Variants in ZCWPW2 observed in about 807,000 individuals in gnomAD.
ZCWPW2 encodes the protein zinc finger CW-type and PWWP domain containing 2, also known as zinc finger CW-type PWWP domain protein 2.
Under a neutral mutation model 46.6 loss-of-function variants are expected in ZCWPW2, and 45 were observed. The observed-to-expected ratio is 0.96, with a 90% CI of 0.76 to 1.24. The LOEUF is 1.24. ZCWPW2 is among the 50% of genes most tolerant of loss of function. The pLI is 0.00. For synonymous variants in ZCWPW2, 152 were observed against 137.1 expected (o/e 1.11, Z -0.76); for missense variants, 429 against 403.9 (o/e 1.06, Z -0.53).
chr3:28,521,076 C>T lies in ZCWPW2; in HGVS notation c.869C>T (p.Ser290Leu), dbSNP rs770766675. The change falls in exon 9 of 10, where the codon TCA becomes TTA. Residue 290 changes from serine to leucine, a missense_variant. Ser to Leu is a moderately radical substitution (Grantham distance 145). Transcript: ENST00000383768. ...ALQPTATPDESEEGHGEEINM... is the reference protein window; with the variant it reads ...ALQPTATPDELEEGHGEEINM... ...CAACCCACAGCCACACCTGATGAAT[C>T]AGAAGAAGGACATGGAGAGGAAATA... 14 of 1,609,526 alleles carry T rather than the reference C, an allele frequency of 8.7e-6. No individual in the cohort carries two copies. In the East Asian group the frequency reaches 3.1e-4, roughly 36 times the overall value.
chr3:28,387,815 C>G (rs577024488), intron 1 of ZCWPW2, among the ~76,000 whole-genome samples: 4 of 152,182 alleles, frequency 2.6e-5, no homozygotes, highest in South Asian at 4.1e-4. Context: ...AGAATCTAAC[C>G]AAAAACTTAG....
chr3:28,498,398 A>G (rs2125822301), intron 6 of ZCWPW2, among the ~76,000 whole-genome samples: 1 of 152,074 alleles, frequency 6.6e-6, no homozygotes, highest in South Asian at 2.1e-4. Context: ...AACATCTTTT[A>G]GCCTCATTTA....
chr3:28,504,008 T>TA (rs1700215424), intron 6 of ZCWPW2, among the ~76,000 whole-genome samples: 1 of 151,798 alleles, frequency 6.6e-6, no homozygotes, highest in South Asian at 2.1e-4. Context: ...CAAGCCTGGG[T>TA]AACATCGTGA....
intron 4 of ZCWPW2, among the ~76,000 whole-genome samples, chr3:28,476,099 G>A (rs1171907548): frequency 1.3e-5 from 2 of 150,624 alleles, no homozygotes; most frequent in African/African-American, 4.9e-5. Context: ...ATATTTATAT[G>A]TTGTAGAAAT....
At chr3:28,390,039 T>G (rs1233773729) in intron 1 of ZCWPW2, among the ~76,000 whole-genome samples, 1 of 152,208 alleles carries the variant, frequency 6.6e-6, no homozygotes, top group African/African-American at 2.4e-5. Context: ...CTAGGCACCA[T>G]GGCCCAGCCA....
intron 8 of ZCWPW2, among the ~76,000 whole-genome samples, chr3:28,516,424 C>T (rs1043593811): frequency 1.1e-4 from 16 of 152,130 alleles, no homozygotes; most frequent in African/African-American, 3.6e-4. Context: ...AAGCAGAAGA[C>T]TGGGGCTTCC....
intron 5 of ZCWPW2, among the ~76,000 whole-genome samples, chr3:28,491,670 G>A (rs1184674512): frequency 6.6e-6 from 1 of 152,038 alleles, no homozygotes; most frequent in Non-Finnish European, 1.5e-5. Context: ...GCTGTGAAGT[G>A]AGGAGGGACT....
chr3:28,446,658 A>G (rs1698001822), intron 4 of ZCWPW2, among the ~76,000 whole-genome samples: 1 of 152,082 alleles, frequency 6.6e-6, no homozygotes, highest in African/African-American at 2.4e-5. Flanking sequence ...GAAGGAAGGA[A>G]ATATTAAAGA....
rs146060748 is a variant in ZCWPW2, at chr3:28,433,688, G to A, written c.333-1422G>A. ...GGAGAATTGCTTGAACCCAGGAGAC[G>A]GAGGCTGCGGTGAGCCGAGATCACA... On this transcript the variant is annotated intron_variant, in intron 3 of 9. Coordinates refer to ENST00000383768, the MANE Select transcript of ZCWPW2 (RefSeq NM_001040432.4). Among the ~76,000 whole-genome samples the A allele has an allele frequency of 5.2e-4, 78 of 149,824 alleles. No individual in the cohort carries two copies. In the East Asian group the frequency reaches 0.014, roughly 26 times the overall value.
intron 1 of ZCWPW2, among the ~76,000 whole-genome samples, chr3:28,371,842 G>A (rs145817943): frequency 6.6e-6 from 1 of 152,216 alleles, no homozygotes; most frequent in African/African-American, 2.4e-5. Flanking sequence ...GGGAAAAGAG[G>A]CCTTAGAGGA....
intron 1 of ZCWPW2, among the ~76,000 whole-genome samples, chr3:28,364,677 G>C (rs962596947): frequency 6.6e-6 from 1 of 151,372 alleles, no homozygotes; most frequent in Admixed American, 6.6e-5. Context: ...AAGTTTTAGG[G>C]TACATGTGCA....
chr3:28,453,848 TA>T (rs1159394248), intron 4 of ZCWPW2, among the ~76,000 whole-genome samples: 8 of 148,022 alleles, frequency 5.4e-5, no homozygotes, highest in Non-Finnish European at 7.5e-5. Flanking sequence ...TTTTTTTTAT[TA>T]TTATTTTTTT....
chr3:28,381,566 G>A (rs903858840), intron 1 of ZCWPW2, among the ~76,000 whole-genome samples: 4 of 152,056 alleles, frequency 2.6e-5, no homozygotes, highest in South Asian at 2.1e-4. Context: ...GGTCAACTGC[G>A]TATGTGAATG....
intron 3 of ZCWPW2, 43 bp downstream of exon 3, chr3:28,413,443 C>A: frequency 6.7e-7 from 1 of 1,490,328 alleles, no homozygotes; most frequent in Non-Finnish European, 9.1e-7. Context: ...TGTAGTCTTG[C>A]TAGGTTTATG....
chr3:28,412,983 T>C lies in ZCWPW2; in HGVS notation c.-13-73T>C, dbSNP rs909247362. 24 of 1,224,074 alleles carry C rather than the reference T, an allele frequency of 2.0e-5. No individual in the cohort carries two copies. The South Asian group carries it at 2.9e-4, about 15-fold the overall frequency. 75.8% of individuals were successfully genotyped at this position (1,224,074 alleles called of 1,614,324 possible). A position where few individuals can be genotyped will look rare whatever the true frequency, so the allele number is the denominator to read the frequency against. On this transcript the variant is annotated intron_variant, in intron 2 of 9. Coordinates refer to ENST00000383768, the MANE Select transcript of ZCWPW2 (RefSeq NM_001040432.4). Reference sequence around the variant, plus strand: ...AGATATCAAAGAGGAATTTCTCTGATTTTTGGTTTGAATTTTCTCTCCTTA... The same window carrying C: ...AGATATCAAAGAGGAATTTCTCTGACTTTTGGTTTGAATTTTCTCTCCTTA...
intron 3 of ZCWPW2, among the ~76,000 whole-genome samples, chr3:28,428,698 G>T (rs1435255958): frequency 2.6e-5 from 4 of 152,118 alleles, no homozygotes; most frequent in African/African-American, 9.7e-5. Flanking sequence ...GACCTTGTGG[G>T]AGGTAATTAG....
chr3:28,399,373 A>G (rs1695835038), intron 2 of ZCWPW2, among the ~76,000 whole-genome samples: 1 of 152,062 alleles, frequency 6.6e-6, no homozygotes, highest in African/African-American at 2.4e-5. Context: ...GACAAATGGC[A>G]TATACTCTTG....
intron 1 of ZCWPW2, among the ~76,000 whole-genome samples, chr3:28,383,880 A>G (rs910410204): frequency 2.0e-5 from 3 of 152,138 alleles, no homozygotes; most frequent in African/African-American, 7.2e-5. Context: ...TACTTTTAAA[A>G]CTGGATTTTT....
intron 4 of ZCWPW2, among the ~76,000 whole-genome samples, chr3:28,467,683 T>A (rs544218594): frequency 6.6e-6 from 1 of 152,308 alleles, no homozygotes; most frequent in East Asian, 1.9e-4. Context: ...TCAAGGAACA[T>A]GAGTCTCTGC....
Sources: allele counts gnomAD v4.1 joint callset (sites outside exome capture counted in the v4.1 genomes callset), GRCh38; gene constraint gnomAD v4.1.1; transcripts MANE v1.5; gene names NCBI Gene and HGNC (gene_info 2026-07-23, HGNC 2026-07-21).